Variants in UNC79 observed in about 807,000 individuals in gnomAD.
The protein encoded by UNC79 is protein unc-79 homolog.
In UNC79, 37 loss-of-function variants were observed where a neutral mutation model predicts 283.1. The ratio of observed to expected loss-of-function variants is 0.13; its 90% CI spans 0.10 to 0.17. The LOEUF (loss-of-function observed/expected upper bound fraction) is 0.17. Among genes scored for constraint, UNC79 ranks in the 10% least tolerant of loss-of-function variants. The pLI, the probability that UNC79 is intolerant of heterozygous loss-of-function variation, is 1.00. For missense variants in UNC79, 2,272 were observed against 3,211.1 expected, an observed-to-expected ratio of 0.71 and a Z score of 7.07; for synonymous variants, 1,107 against 1,200.2, an observed-to-expected ratio of 0.92 and a Z score of 1.61.
intron 1 of UNC79, among the ~76,000 whole-genome samples, chr14:93,341,031 T>C (rs185061139): frequency 2.0e-5 from 3 of 152,330 alleles, no homozygotes; most frequent in African/African-American, 4.8e-5. Context: ...TAGTAAATGA[T>C]AGTGCTGGAA....
intron 1 of UNC79, among the ~76,000 whole-genome samples, chr14:93,388,660 A>G (rs2054826126): frequency 1.3e-5 from 2 of 152,040 alleles, no homozygotes. Flanking sequence ...TTTTTTTGTC[A>G]GTTTTATGAG....
upstream of UNC79, chr14:93,430,223 C>T (rs1307152679): frequency 6.5e-6 from 1 of 153,230 alleles, no homozygotes; most frequent in Non-Finnish European, 1.5e-5. The surrounding 1 kb of genome is among the most constrained non-coding windows in gnomAD (Gnocchi z 4.6). Flanking sequence ...CCGTGGACAT[C>T]TCCTCCTTCC....
In UNC79 at chr14:93,598,409, T is replaced by TGTGTGG. The variant is rs1266068455; in HGVS notation, c.3372+870_3372+871insTGTGGG. Among the ~76,000 whole-genome samples, 65 of 38,896 alleles carry TGTGTGG rather than the reference T, an allele frequency of 1.7e-3. 1 individual carries two copies. The highest frequency in any genetic ancestry group is 2.8e-3 in the African/African-American group (55 of 19,946). 25.5% of individuals were successfully genotyped at this position (38,896 alleles called of 152,430 possible). The stretch of plus-strand genomic sequence containing the variant: ...GTGTGTGTGTGTGTGTGTGTGTGTG[T>TGTGTGG]GGCAGATTTTAAAACTAGGTTGGTT... On this transcript the variant is annotated intron_variant, in intron 24 of 48. Coordinates refer to ENST00000555664, the Ensembl canonical transcript of UNC79.
intron 1 of UNC79, among the ~76,000 whole-genome samples, chr14:93,357,701 A>G (rs1404079455): frequency 8.3e-6 from 1 of 120,440 alleles, no homozygotes; most frequent in African/African-American, 3.9e-5. Flanking sequence ...ATATATATAT[A>G]TATATATATA....
At chr14:93,435,129 C>T (rs1339300088) in intron 1 of UNC79, among the ~76,000 whole-genome samples, 1 of 152,144 alleles carries the variant, frequency 6.6e-6, no homozygotes, top group East Asian at 1.9e-4. Context: ...AATAGCACTG[C>T]AGTTGTAGTC....
intron 1 of UNC79, among the ~76,000 whole-genome samples, chr14:93,414,936 T>G (rs550303768): frequency 1.3e-5 from 2 of 152,282 alleles, no homozygotes; most frequent in Admixed American, 1.3e-4. Flanking sequence ...ACGTTGGGGT[T>G]TTCTAGATAC....
At chr14:93,594,093 C>T (rs1185312203) in intron 23 of UNC79, among the ~76,000 whole-genome samples, 1 of 152,118 alleles carries the variant, frequency 6.6e-6, no homozygotes, top group Non-Finnish European at 1.5e-5. Context: ...CCAAGTGTAG[C>T]GATTAACTGC....
At chr14:93,633,304 G>C (rs1342077800) in intron 31 of UNC79, among the ~76,000 whole-genome samples, 1 of 152,126 alleles carries the variant, frequency 6.6e-6, no homozygotes, top group Non-Finnish European at 1.5e-5. Context: ...CTTCCCTTTT[G>C]ATCAGTTTAT....
chr14:93,623,776 C>G (rs1027089261), intron 30 of UNC79, among the ~76,000 whole-genome samples: 1 of 152,134 alleles, frequency 6.6e-6, no homozygotes, highest in African/African-American at 2.4e-5. Flanking sequence ...GCCTATCATC[C>G]CAGCTACTCA....
chr14:93,365,824 G>A (rs1357926433), intron 1 of UNC79, among the ~76,000 whole-genome samples: 1 of 152,132 alleles, frequency 6.6e-6, no homozygotes, highest in African/African-American at 2.4e-5. Context: ...AAATGGAAGG[G>A]AGGAAATAAA....
chr14:93,487,724 A>C (rs1268377997), exon 5 of UNC79: 9 of 1,614,060 alleles, frequency 5.6e-6, no homozygotes, highest in Non-Finnish European at 7.6e-6. Flanking sequence ...CATCCATGCT[A>C]ATGATTGCAA....
chr14:93,449,893 T>C (rs2056582741), intron 1 of UNC79, among the ~76,000 whole-genome samples: 1 of 152,110 alleles, frequency 6.6e-6, no homozygotes, highest in Admixed American at 6.5e-5. Context: ...ATACAGGAAA[T>C]GTTCTATCTT....
intron 1 of UNC79, chr14:93,464,609 A>C: frequency 2.2e-6 from 1 of 456,304 alleles, no homozygotes. Context: ...TTAAAGTATA[A>C]GGAAAGGGGT....
At chr14:93,479,473 T>C (rs919909179) in intron 4 of UNC79, among the ~76,000 whole-genome samples, 4 of 151,996 alleles carry the variant, frequency 2.6e-5, no homozygotes, top group Non-Finnish European at 4.4e-5. Flanking sequence ...AATTTTTGTA[T>C]TTTTAGTAGA....
exon 26 of UNC79, chr14:93,603,353 G>T: frequency 6.2e-7 from 1 of 1,614,186 alleles, no homozygotes; most frequent in East Asian, 2.2e-5. Flanking sequence ...CTGAGGGACA[G>T]CGTGAAAGGG....
rs1352306107 is a variant in UNC79 at position 93,686,817 on chromosome 14, A to AGCTTT, written c.6909+159_6909+163dup. ...TTGGGGGATCAAAGAGCCAGGGTCC[A>AGCTTT]GCTTTGCAAAGAGGAAAAGAGGAAG... On this transcript the variant is annotated intron_variant, in intron 43 of 48. Transcript: ENST00000555664. Among the ~76,000 whole-genome samples, 12 of 152,204 alleles carry AGCTTT rather than the reference A, an allele frequency of 7.9e-5. No individual in the cohort carries two copies. In the East Asian group the frequency reaches 1.7e-3, roughly 22 times the overall value.
chr14:93,524,506 C>G (rs2060461241), intron 8 of UNC79, among the ~76,000 whole-genome samples: 1 of 152,074 alleles, frequency 6.6e-6, no homozygotes, highest in Admixed American at 6.6e-5. Context: ...GGTGTCTGGA[C>G]AGCATATACA....
chr14:93,355,451 C>A lies in UNC79; in HGVS notation c.-351+21928C>A, dbSNP rs112445547. On this transcript the variant is annotated intron_variant, in intron 1 of 49. Transcript: ENST00000256339. ...TGACCTCGTGATCGGCCTGCCTTGG[C>A]CTCCCAAACTGCTGGGATTACAGGC... Among the ~76,000 whole-genome samples the A allele has an allele frequency of 4.9e-4, 74 of 152,176 alleles. 3 individuals are homozygous for A. The South Asian group carries it at 0.015, about 31-fold the overall frequency.
chr14:93,478,731 C>A (rs2057944669), intron 4 of UNC79, among the ~76,000 whole-genome samples: 1 of 152,218 alleles, frequency 6.6e-6, no homozygotes, highest in African/African-American at 2.4e-5. Context: ...CTTCTCTCAA[C>A]TATTGTTTTA....
Sources: allele counts gnomAD v4.1 joint callset (sites outside exome capture counted in the v4.1 genomes callset), GRCh38; gene constraint gnomAD v4.1.1; non-coding constraint Gnocchi (gnomAD v3.1); transcripts MANE v1.5; gene names NCBI Gene and HGNC (gene_info 2026-07-23, HGNC 2026-07-21).